The following CCDC59 variants were observed in gnomAD, a reference collection of about 807,000 sequenced individuals.
CCDC59 encodes the protein thyroid transcription factor 1-associated protein 26.
CCDC59 carries 27 observed loss-of-function variants against 30.5 expected under a neutral mutation model. The ratio of observed to expected loss-of-function variants is 0.89; its 90% CI spans 0.65 to 1.22. CCDC59 has a LOEUF of 1.22. Among genes scored for constraint, CCDC59 ranks in the 50% most tolerant of loss-of-function variants. The probability of loss-of-function intolerance (pLI) is 0.00; values close to 1 mark genes in which losing one functional copy is unlikely to be tolerated. For missense variants in CCDC59, 362 were observed against 284.4 expected (o/e 1.27, Z -1.96); for synonymous variants, 125 against 100.9 (o/e 1.24, Z -1.43).
intron 3 of CCDC59, among the ~76,000 whole-genome samples, chr12:82,353,770 T>C (rs1172860344): frequency 6.6e-6 from 1 of 152,144 alleles, no homozygotes; most frequent in African/African-American, 2.4e-5. Flanking sequence ...TAATTACAGA[T>C]ATTCTAAAGC....
chr12:82,358,586 C>T (rs760841619), upstream of CCDC59: 1 of 1,612,296 alleles, frequency 6.2e-7, no homozygotes, highest in East Asian at 2.2e-5. Context: ...CTTGCCCTCT[C>T]CCGGTGACCC....
rs747938139 is a variant in CCDC59, at chr12:82,358,316, C to G, written c.61G>C (p.Gly21Arg). 1.9e-6 allele frequency: 3 copies of G among 1,614,040 alleles called. No individual in the cohort carries two copies. In the African/African-American group the frequency reaches 4.0e-5, roughly 22 times the overall value. Reference protein sequence around the residue: ...RPGGIEARGEGVSTVGYRNKN... With the variant: ...RPGGIEARGERVSTVGYRNKN... ...TTCCTGTACCCGACAGTGGAAACCCCTTCACCACGCGCCTCAATACCACCA... is the reference window on the plus strand; with the variant it reads ...TTCCTGTACCCGACAGTGGAAACCCGTTCACCACGCGCCTCAATACCACCA... Residue 21 changes from glycine (G) to arginine (R), a missense_variant, in exon 1 of 4, where the codon GGG (glycine) becomes CGG (arginine). By Grantham distance (125) the Gly-to-Arg change is moderately radical. Transcript: ENST00000256151.
In CCDC59 at chr12:82,357,115, T is replaced by C; in HGVS notation, c.309A>G (p.Arg103=). The C allele has an allele frequency of 1.9e-6, 3 of 1,614,228 alleles. No individual in the cohort carries two copies. Among genetic ancestry groups the C allele is most frequent in the Non-Finnish European group, 2.5e-6 (3 of 1,180,040 alleles). ...CGACTTTTCTTGCTTGCTTCCTATG[T>C]CTTTCCTCTTCAGCTAAATAGAGAT... ...LKHLYLAEEE[R]HRKQARKVDH... is the part of the protein sequence containing the mutation. The change falls in exon 2 of 4, where the codon AGA becomes AGG. Residue 103 remains arginine (R), a synonymous_variant. Coordinates refer to ENST00000256151, the MANE Select transcript of CCDC59 (RefSeq NM_014167.5).
Position 82,358,100 on chromosome 12 carries a change from G to C in CCDC59, c.154+123C>G, listed in dbSNP as rs529731365. 89 of 1,083,906 alleles carry C rather than the reference G, an allele frequency of 8.2e-5. No individual in the cohort carries two copies. The South Asian group carries it at 1.2e-3, about 15-fold the overall frequency. The allele number at this position is 1,083,906 out of a possible 1,614,324, so 67.1% of individuals were successfully genotyped here. A position where few individuals can be genotyped will look rare whatever the true frequency, so the allele number is the denominator to read the frequency against. On this transcript the variant is annotated intron_variant, in intron 1 of 3. Transcript: ENST00000256151. The stretch of plus-strand genomic sequence containing the variant: ...TCACAGCTTTAGCGGGCTCAGGAAT[G>C]AATTCCCTTGCCCCAAGTAGGACCG...
At position 82,354,119 on chromosome 12, in the gene CCDC59, T is replaced by G. The variant is rs539906652; in HGVS notation, c.564+376A>C. On this transcript the variant is annotated intron_variant, in intron 3 of 3. Transcript: ENST00000256151. ...TTTTACTTTCTTCAATGTAATGTTA[T>G]GAAAATCATCTATATTTTTCTTAGG... is the stretch of plus-strand genomic sequence containing the variant. Among the ~76,000 whole-genome samples the G allele has an allele frequency of 7.2e-5, 11 of 152,230 alleles. No individual in the cohort carries two copies. The South Asian group carries it at 2.3e-3, about 32-fold the overall frequency.
At chr12:82,358,121 G>T in intron 1 of CCDC59, 102 bp downstream of exon 1, 1 of 1,352,656 alleles carries the variant, frequency 7.4e-7, no homozygotes, top group South Asian at 1.3e-5. Flanking sequence ...CCCCAAGTAG[G>T]ACCGGGTCTG....
intron 1 of CCDC59, among the ~76,000 whole-genome samples, chr12:82,357,815 AAC>A (rs1401189844): frequency 3.3e-5 from 5 of 152,236 alleles, no homozygotes; most frequent in African/African-American, 9.6e-5. Flanking sequence ...CAAAATGACA[AAC>A]ACAAATTAAA....
At position 82,354,559 on chromosome 12, in the gene CCDC59, GTTTTCTTTTTAT is replaced by G; in HGVS notation, c.488_499del (p.Asn163_Lys166del). ...TTCTTCTTGTGCTTTTTGATTTGAT[GTTTTCTTTTTAT>G]TTTTCTTTGGAATTGTAAAGGAGCT... On this transcript the variant is annotated inframe_deletion, in exon 3 of 4. Transcript: ENST00000256151. 6.3e-7 allele frequency: 1 copy of G among 1,595,108 alleles called. No individual in the cohort carries two copies. Among genetic ancestry groups the G allele is most frequent in the Middle Eastern group, 1.7e-4 (1 of 5,928 alleles).
At chr12:82,354,441 ATATT>A in intron 3 of CCDC59, 50 bp downstream of exon 3, 1 of 1,340,294 alleles carries the variant, frequency 7.5e-7, no homozygotes, top group Non-Finnish European at 1.0e-6. Context: ...TATAGTATAT[ATATT>A]TAGGATAAAT....
intron 1 of CCDC59, 119 bp downstream of exon 1, chr12:82,358,104 T>C: frequency 8.8e-7 from 1 of 1,135,924 alleles, no homozygotes; most frequent in Non-Finnish European, 1.3e-6. Flanking sequence ...AGGAATGAAT[T>C]CCCTTGCCCC....
chr12:82,358,569 G>T (rs746581822), upstream of CCDC59: 2 of 1,610,066 alleles, frequency 1.2e-6, no homozygotes, highest in East Asian at 2.2e-5. Flanking sequence ...GAGCGTCATG[G>T]CGGCTTCTTG....
chr12:82,358,129 C>G, intron 1 of CCDC59, 94 bp downstream of exon 1: 1 of 1,440,286 alleles, frequency 6.9e-7, no homozygotes, highest in Non-Finnish European at 9.6e-7. Flanking sequence ...AGGACCGGGT[C>G]TGGTTCCTAA....
At position 82,356,961 on chromosome 12, in the gene CCDC59, T is replaced by G; in HGVS notation, c.463A>C (p.Asn155His). 1 of 1,597,648 alleles carries G rather than the reference T, an allele frequency of 6.3e-7. No homozygotes were observed. The highest frequency in any genetic ancestry group is 1.7e-5 in the Admixed American group (1 of 59,568). The change falls in exon 2 of 4, where the codon AAC becomes CAC. Residue 155 changes from asparagine (N) to histidine (H), a missense_variant and splice_region_variant. By Grantham distance (68) the Asn-to-His change is moderately conservative (BLOSUM62 1). Coordinates refer to ENST00000256151, the MANE Select transcript of CCDC59 (RefSeq NM_014167.5). ...ATTTCAAATGAAGAAAATACATACT[T>G]TACTGTTTTAATACATTGTTCTTCT... ...QPEEQCIKTV[N>H]SFTIPKKNKK...
At position 82,353,173 on chromosome 12, in the gene CCDC59, TGAA is replaced by T; in HGVS notation, c.701_703del (p.Leu234del). On this transcript the variant is annotated inframe_deletion, in exon 4 of 4. Transcript: ENST00000256151. Reference sequence around the variant, plus strand: ...TGTTTAACATTTTTCTTGTATTTTTTGAAGAAGGTACTCCATTTGTACATTCAA... The same window carrying T: ...TGTTTAACATTTTTCTTGTATTTTTTGAAGGTACTCCATTTGTACATTCAA... 2 of 1,601,472 alleles carry T rather than the reference TGAA, an allele frequency of 1.2e-6. No individual in the cohort carries two copies. The highest frequency in any genetic ancestry group is 1.1e-5 in the South Asian group (1 of 88,112).
upstream of CCDC59, chr12:82,358,787 A>C: frequency 6.2e-7 from 1 of 1,613,582 alleles, no homozygotes. Flanking sequence ...CCCTGCCCTC[A>C]GAGACGCGCC....
chr12:82,356,578 G>A (rs1481210650), intron 2 of CCDC59, among the ~76,000 whole-genome samples: 1 of 152,148 alleles, frequency 6.6e-6, no homozygotes, highest in Admixed American at 6.5e-5. Context: ...TAAAGAAGAG[G>A]TCACTGGGGC....
chr12:82,357,262 G>GGGA lies in CCDC59; in HGVS notation c.161_162insTCC (p.Gly54_Phe55insPro), dbSNP rs1344700070. 3.8e-6 allele frequency: 6 copies of GGGA among 1,580,464 alleles called. 1 individual carries two copies. Among genetic ancestry groups the GGGA allele is most frequent in the African/African-American group, 1.5e-5 (1 of 66,740 alleles). ...TTTTCAGTTTTCTTCGAAAAGCAAA[G>GGGA]CCTTGTCCTACATTGAGGAATATCA... On this transcript the variant is annotated inframe_insertion, in exon 2 of 4. Transcript: ENST00000256151.
intron 2 of CCDC59, among the ~76,000 whole-genome samples, chr12:82,356,452 G>T (rs1164061648): frequency 6.6e-6 from 1 of 152,140 alleles, no homozygotes; most frequent in African/African-American, 2.4e-5. Context: ...AGGAACACCT[G>T]AGTTTATGTG....
At chr12:82,358,465 A>C, upstream of CCDC59, 1 of 1,601,338 alleles carries the variant, frequency 6.2e-7, no homozygotes, top group Non-Finnish European at 8.5e-7. Context: ...CTCAGAAGGA[A>C]TCCGGCTCGG....
Sources: allele counts gnomAD v4.1 joint callset (sites outside exome capture counted in the v4.1 genomes callset), GRCh38; gene constraint gnomAD v4.1.1; transcripts MANE v1.5; gene names NCBI Gene and HGNC (gene_info 2026-07-23, HGNC 2026-07-21).